The following WRAP73 variants were observed in gnomAD, a reference collection of about 807,000 sequenced individuals.
WRAP73 encodes WD repeat containing, antisense to TP73, also known as WD repeat-containing protein WRAP73.
A neutral mutation model predicts 59.6 loss-of-function variants in WRAP73; 55 were observed. That is an observed-to-expected ratio of 0.92 (90% CI 0.74 to 1.15). The LOEUF is 1.15. WRAP73 is among the 50% of genes most tolerant of loss of function. The pLI is 0.00. For missense variants in WRAP73, 592 were observed against 608.1 expected (o/e 0.97, Z 0.28); for synonymous variants, 265 against 258.2 (o/e 1.03, Z -0.25).
At chr1:3,642,737 CA>C (rs35743795) in intron 3 of WRAP73, among the ~76,000 whole-genome samples, 47,651 of 96,490 alleles carry the variant, frequency 0.49, 9,526 homozygotes, top group East Asian at 0.58. Flanking sequence ...AACTCCATCT[CA>C]AAAAAAAAAA....
intron 3 of WRAP73, among the ~76,000 whole-genome samples, chr1:3,645,919 G>A (rs534713052): frequency 6.6e-6 from 1 of 152,132 alleles, no homozygotes; most frequent in African/African-American, 2.4e-5. Context: ...GGTGCGAGCC[G>A]GCTCATATCA....
In WRAP73 at chr1:3,631,904, C is replaced by A. The variant is rs1296638375; in HGVS notation, c.1049-247G>T. 2.2e-5 allele frequency: 30 copies of A among 1,378,952 alleles called. No homozygotes were observed. The African/African-American group carries it at 3.6e-4, about 17-fold the overall frequency. 85.4% of individuals were successfully genotyped at this position (1,378,952 alleles called of 1,614,324 possible). A position where few individuals can be genotyped will look rare whatever the true frequency, so the allele number is the denominator to read the frequency against. ...TTTGGTATTTTTTTTTTTTTTTTAGCCCTTTACAAATGGAGAAACCCTTAA... is the reference window on the plus strand; with the variant it reads ...TTTGGTATTTTTTTTTTTTTTTTAGACCTTTACAAATGGAGAAACCCTTAA... On this transcript the variant is annotated intron_variant, in intron 10 of 11. Coordinates refer to ENST00000270708, the MANE Select transcript of WRAP73 (RefSeq NM_017818.4).
At chr1:3,641,685 C>T (rs946734636) in intron 3 of WRAP73, among the ~76,000 whole-genome samples, 1 of 152,238 alleles carries the variant, frequency 6.6e-6, no homozygotes, top group African/African-American at 2.4e-5. Context: ...TGCAAAGTGA[C>T]TCACTCAACT....
At chr1:3,636,871 G>T in intron 5 of WRAP73, 124 bp downstream of exon 5, 1 of 1,036,926 alleles carries the variant, frequency 9.6e-7, no homozygotes, top group Non-Finnish European at 1.5e-6. Flanking sequence ...CCTGCCCTTT[G>T]TTAATACAAC....
chr1:3,632,478 G>A (rs1644546276), intron 9 of WRAP73, 140 bp from the exon 10 acceptor site: 1 of 1,392,990 alleles, frequency 7.2e-7, no homozygotes. Context: ...CCCAAGGGCA[G>A]GAAGAGCTAA....
chr1:3,631,152 G>A (rs771507497), intron 11 of WRAP73, 35 bp from the exon 12 acceptor site: 2 of 1,611,804 alleles, frequency 1.2e-6, no homozygotes, highest in South Asian at 1.1e-5. Context: ...GATTACAGCA[G>A]GGGAGGCCCA....
chr1:3,635,368 C>A, intron 6 of WRAP73, 74 bp from the exon 7 acceptor site: 2 of 1,586,542 alleles, frequency 1.3e-6, no homozygotes, highest in South Asian at 1.1e-5. Flanking sequence ...GCGGGTGCTG[C>A]AGAGTGACAT....
chr1:3,634,915 T>A (rs1644574755), intron 8 of WRAP73, 82 bp downstream of exon 8: 2 of 1,505,320 alleles, frequency 1.3e-6, no homozygotes, highest in Non-Finnish European at 1.8e-6. Context: ...TAAACCACAA[T>A]CAAGAAAGCA....
At position 3,646,552 on chromosome 1, in the gene WRAP73, G is replaced by A; in HGVS notation, c.339+114C>T. The A allele has an allele frequency of 2.6e-6, 2 of 772,312 alleles. No individual in the cohort carries two copies. The highest frequency in any genetic ancestry group is 2.6e-5 in the East Asian group (1 of 38,086). 47.8% of individuals were successfully genotyped at this position (772,312 alleles called of 1,614,324 possible). On this transcript the variant is annotated intron_variant, in intron 3 of 11. Transcript: ENST00000270708. This position sits in a 1 kb window ranked among gnomAD's most constrained non-coding sequence, Gnocchi z 5.1. ...GGTGGTCTTAGAATGCATCCCCTGAGGATAAGGGGAGACTAGCATACTCCA... is the reference window on the plus strand; with the variant it reads ...GGTGGTCTTAGAATGCATCCCCTGAAGATAAGGGGAGACTAGCATACTCCA...
At chr1:3,647,314 T>G (rs950718717) in intron 2 of WRAP73, 94 bp downstream of exon 2, 10 of 1,327,352 alleles carry the variant, frequency 7.5e-6, no homozygotes, top group Non-Finnish European at 8.9e-6. Flanking sequence ...CTGCACGGAC[T>G]TTTTTTTCAA....
At chr1:3,631,416 G>A in intron 11 of WRAP73, 50 bp downstream of exon 11, 1 of 1,544,770 alleles carries the variant, frequency 6.5e-7, no homozygotes, top group Non-Finnish European at 8.8e-7. Flanking sequence ...TGTGATGCCA[G>A]ACTGCACACA....
chr1:3,631,346 G>A, intron 11 of WRAP73, 120 bp downstream of exon 11: 11 of 1,381,840 alleles, frequency 8.0e-6, no homozygotes, highest in Non-Finnish European at 1.1e-5. Context: ...CAAAGACTCT[G>A]AGGGCAGTTT....
Position 3,631,005 on chromosome 1 carries a change from T to A in WRAP73, c.1353A>T (p.Thr451=), listed in dbSNP as rs1323362904. ...TGTGGCCGCCCAGCTGTCTGCAGGC[T>A]GTGCCGACCACTGCCTCTGTCTCCA... ...CFLETEAVVG[T]ACRQLGGHT The change falls in exon 12 of 12, where the codon ACA becomes ACT. Residue 451 remains threonine (T), a synonymous_variant. Coordinates refer to ENST00000270708, the MANE Select transcript of WRAP73 (RefSeq NM_017818.4). The A allele has an allele frequency of 1.2e-6, 2 of 1,612,854 alleles. No individual in the cohort carries two copies. Among genetic ancestry groups the A allele is most frequent in the Non-Finnish European group, 1.7e-6 (2 of 1,179,934 alleles).
intron 1 of WRAP73, 119 bp from the exon 2 acceptor site, chr1:3,647,679 G>T: frequency 8.9e-7 from 1 of 1,121,730 alleles, no homozygotes; most frequent in Middle Eastern, 2.2e-4. Flanking sequence ...GAGGTTTCAT[G>T]TCTAGATCAC....
intron 6 of WRAP73, 135 bp from the exon 7 acceptor site, chr1:3,635,429 G>C: frequency 8.3e-7 from 1 of 1,201,474 alleles, no homozygotes; most frequent in Non-Finnish European, 1.2e-6. Flanking sequence ...CCGTGGAAAA[G>C]CTGGAACTGC....
intron 9 of WRAP73, chr1:3,633,187 T>G: frequency 1.8e-6 from 1 of 556,084 alleles, no homozygotes; most frequent in Admixed American, 3.3e-5. Flanking sequence ...AGGGCTCATA[T>G]TCAGTAACAG....
intron 3 of WRAP73, among the ~76,000 whole-genome samples, chr1:3,642,105 G>C (rs1644651622): frequency 6.6e-6 from 1 of 152,232 alleles, no homozygotes; most frequent in Admixed American, 6.5e-5. Context: ...AAATCTGGCA[G>C]AGCCGGGCGC....
intron 4 of WRAP73, 143 bp downstream of exon 4, chr1:3,638,607 A>T: frequency 3.9e-6 from 3 of 778,866 alleles, no homozygotes; most frequent in Non-Finnish European, 6.5e-6. Context: ...GAGGAGACCT[A>T]AGGTCTCCTT....
intron 3 of WRAP73, among the ~76,000 whole-genome samples, chr1:3,642,316 A>G (rs1001240631): frequency 2.0e-5 from 3 of 152,244 alleles, no homozygotes; most frequent in Admixed American, 2.0e-4. Context: ...TAGAACCTCA[A>G]TAATGTAGAC....
Sources: allele counts gnomAD v4.1 joint callset (sites outside exome capture counted in the v4.1 genomes callset), GRCh38; gene constraint gnomAD v4.1.1; non-coding constraint Gnocchi (gnomAD v3.1); transcripts MANE v1.5; gene names NCBI Gene and HGNC (gene_info 2026-07-23, HGNC 2026-07-21).